Variants in SLCO4C1 observed in about 807,000 individuals in gnomAD.
SLCO4C1 encodes organic anion transporter M1.
Under a neutral mutation model 72.1 loss-of-function variants are expected in SLCO4C1, and 58 were observed. The ratio of observed to expected loss-of-function variants is 0.80; its 90% confidence interval spans 0.65 to 1.00. SLCO4C1 has a LOEUF of 1.00. SLCO4C1 is among the 50% of genes least tolerant of loss of function. The pLI, the probability that SLCO4C1 is intolerant of heterozygous loss-of-function variation, is 0.00. For missense variants in SLCO4C1, 898 were observed against 857.9 expected (o/e 1.05, Z -0.58); for synonymous variants, 297 against 312.5 (o/e 0.95, Z 0.52).
Position 102,296,221 on chromosome 5 carries a change from G to A in SLCO4C1, c.42C>T (p.Pro14=), listed in dbSNP as rs62372168. 1 of 1,578,378 alleles carries A rather than the reference G, an allele frequency of 6.3e-7. No individual in the cohort carries two copies. The highest frequency in any genetic ancestry group is 1.7e-4 in the Middle Eastern group (1 of 5,838). Residue 14 remains proline (P), a synonymous_variant, in exon 1 of 13, where the codon CCC becomes CCT. Transcript: ENST00000310954. The stretch of plus-strand genomic sequence containing the variant: ...AGCGGCGCAGGATGTCTGGGCTGGA[G>A]GGGACAAAAGCCAAGTTCTCAATAC... The part of the protein sequence containing the change: ...AKGIENLAFV[P]SSPDILRRLS...
chr5:102,281,654 C>T (rs1262199191), intron 2 of SLCO4C1, among the ~76,000 whole-genome samples: 1 of 151,926 alleles, frequency 6.6e-6, no homozygotes. Flanking sequence ...ATGCAGATAG[C>T]AAATTCACAC....
At chr5:102,270,473 G>A in intron 3 of SLCO4C1, 151 bp downstream of exon 3, 1 of 516,370 alleles carries the variant, frequency 1.9e-6, no homozygotes, top group Non-Finnish European at 3.1e-6. Context: ...TATTTGGCAG[G>A]AAATAAAACA....
Position 102,295,988 on chromosome 5 carries a change from T to C in SLCO4C1, c.275A>G (p.Asn92Ser), listed in dbSNP as rs1310128507. The change falls in exon 1 of 13, where the codon AAC becomes AGC. Residue 92 changes from asparagine to serine, a missense_variant. Coordinates refer to ENST00000310954, the MANE Select transcript of SLCO4C1 (RefSeq NM_180991.5). ...EFEEGSYGWR[N>S]FHPQCLQRCN... The stretch of plus-strand genomic sequence containing the variant: ...GCGCTGGAGACATTGAGGATGGAAG[T>C]TCCTCCAGCCGTAAGACCCCTCCTC... 1.2e-6 allele frequency: 2 copies of C among 1,614,192 alleles called. No individual in the cohort carries two copies.
rs1184854894 is a variant in SLCO4C1 at position 102,239,373 on chromosome 5, G to C, written c.1892C>G (p.Pro631Arg). Residue 631 changes from proline to arginine, a missense_variant, in exon 12 of 13, where the codon CCA becomes CGA. By Grantham distance (103) the Pro-to-Arg change is moderately radical. Coordinates refer to ENST00000310954, the MANE Select transcript of SLCO4C1 (RefSeq NM_180991.5). ...GTCTATTGTGAAACCAAATATAATT[G>C]GTCCAGGAATTGTCCCTAAAAGAAT... ...VLRLLGTIPG[P>R]IIFGFTIDST... is the part of the protein sequence containing the mutation. The C allele has an allele frequency of 4.4e-5, 69 of 1,579,596 alleles. No homozygotes were observed. The highest frequency in any genetic ancestry group is 5.7e-5 in the Non-Finnish European group (66 of 1,164,760).
At chr5:102,237,113 G>T (rs1748451643) in intron 12 of SLCO4C1, 95 bp from the exon 13 acceptor site, 1 of 1,226,740 alleles carries the variant, frequency 8.2e-7, no homozygotes, top group African/African-American at 1.5e-5. Context: ...CATTTTTAAA[G>T]AGAATAATTA....
At chr5:102,254,846 A>G (rs1748804866) in intron 8 of SLCO4C1, among the ~76,000 whole-genome samples, 1 of 152,216 alleles carries the variant, frequency 6.6e-6, no homozygotes, top group African/African-American at 2.4e-5. Context: ...TTATTGCAAT[A>G]TATGCTTTAT....
At chr5:102,261,483 C>T (rs996604403) in intron 5 of SLCO4C1, among the ~76,000 whole-genome samples, 17 of 148,752 alleles carry the variant, frequency 1.1e-4, no homozygotes, top group African/African-American at 3.9e-4. Flanking sequence ...AAGTACGCTA[C>T]GGAATGACTT....
intron 2 of SLCO4C1, among the ~76,000 whole-genome samples, chr5:102,283,920 C>T (rs1749401841): frequency 6.6e-6 from 1 of 152,032 alleles, no homozygotes; most frequent in Non-Finnish European, 1.5e-5. Flanking sequence ...AACATCTTAG[C>T]AAGTCATTAA....
intron 2 of SLCO4C1, among the ~76,000 whole-genome samples, chr5:102,276,211 T>G (rs1262139031): frequency 6.6e-6 from 1 of 152,096 alleles, no homozygotes; most frequent in African/African-American, 2.4e-5. Flanking sequence ...ACACAGAATA[T>G]CCAACACAGC....
At position 102,234,199 on chromosome 5, in the gene SLCO4C1, T is replaced by A. The variant is rs1748393503; in HGVS notation, c.*2659A>T. 6.6e-6 allele frequency: 1 copy of A among 152,592 alleles called. No homozygotes were observed. Among genetic ancestry groups the A allele is most frequent in the Non-Finnish European group, 1.5e-5 (1 of 68,004 alleles). 9.5% of individuals were successfully genotyped at this position (152,592 alleles called of 1,614,324 possible). A position where few individuals can be genotyped will look rare whatever the true frequency, so the allele number is the denominator to read the frequency against. On this transcript the variant is annotated 3_prime_UTR_variant, in exon 13 of 13. Coordinates refer to ENST00000310954, the MANE Select transcript of SLCO4C1 (RefSeq NM_180991.5). ...TAAATGTTAAATTTTAACACATATA[T>A]CCAATTATGTACACAATTACAATGT...
intron 2 of SLCO4C1, among the ~76,000 whole-genome samples, chr5:102,280,324 TG>T (rs1391089755): frequency 6.6e-6 from 1 of 151,660 alleles, no homozygotes; most frequent in African/African-American, 2.4e-5. Context: ...ATATGGAAAC[TG>T]AAATTTAAAA....
chr5:102,240,615 T>G (rs780147817), intron 11 of SLCO4C1, 103 bp downstream of exon 11: 119 of 827,520 alleles, frequency 1.4e-4, no homozygotes, highest in Non-Finnish European at 2.2e-4. Context: ...GATGTAGCCT[T>G]CCACTATAAT....
chr5:102,267,472 A>G (rs1749062225), intron 3 of SLCO4C1, among the ~76,000 whole-genome samples: 4 of 150,394 alleles, frequency 2.7e-5, no homozygotes, highest in African/African-American at 9.8e-5. Flanking sequence ...GATGCCTTCT[A>G]TTTTGTTTCT....
intron 11 of SLCO4C1, among the ~76,000 whole-genome samples, chr5:102,240,314 A>C (rs1458636587): frequency 6.6e-6 from 1 of 152,064 alleles, no homozygotes; most frequent in African/African-American, 2.4e-5. Flanking sequence ...CTTTCTTCCA[A>C]TAATTCTTAA....
At chr5:102,242,368 A>G (rs1165526414) in intron 10 of SLCO4C1, among the ~76,000 whole-genome samples, 1 of 152,186 alleles carries the variant, frequency 6.6e-6, no homozygotes. Flanking sequence ...GCTGGGACAG[A>G]CAATGGAGTC....
At chr5:102,269,798 T>C (rs573748493) in intron 3 of SLCO4C1, among the ~76,000 whole-genome samples, 1 of 152,304 alleles carries the variant, frequency 6.6e-6, no homozygotes, top group East Asian at 1.9e-4. Flanking sequence ...TATTGATACC[T>C]GCACAGTTGG....
chr5:102,287,163 C>T (rs529675453), intron 2 of SLCO4C1, among the ~76,000 whole-genome samples: 7 of 152,004 alleles, frequency 4.6e-5, no homozygotes, highest in African/African-American at 7.2e-5. Flanking sequence ...AATTAATTTA[C>T]AGGAAGCTTT....
intron 10 of SLCO4C1, among the ~76,000 whole-genome samples, chr5:102,246,064 A>C (rs866559000): frequency 6.6e-6 from 1 of 151,926 alleles, no homozygotes; most frequent in African/African-American, 2.4e-5. Flanking sequence ...GTTTATAGCT[A>C]TACATCAAAA....
At chr5:102,292,191 T>A (rs1749570375) in intron 1 of SLCO4C1, among the ~76,000 whole-genome samples, 1 of 152,200 alleles carries the variant, frequency 6.6e-6, no homozygotes, top group South Asian at 2.1e-4. Context: ...GCTTGCTACG[T>A]ACTAAATTAT....
Sources: gnomAD v4.1 joint callset for allele counts (sites outside exome capture counted in the v4.1 genomes callset) on GRCh38, gnomAD v4.1.1 for gene constraint, MANE v1.5 for transcripts, NCBI Gene and HGNC (gene_info 2026-07-23, HGNC 2026-07-21) for gene names.